The following CTBP2 variants were observed in gnomAD, a reference collection of about 807,000 sequenced individuals.
The protein encoded by CTBP2 is C-terminal binding protein 2.
In CTBP2, 30 loss-of-function variants were observed where a neutral mutation model predicts 80.3. The ratio of observed to expected loss-of-function variants is 0.37; its 90% CI spans 0.28 to 0.51. CTBP2 has a LOEUF of 0.51. CTBP2 is among the 20% of genes least tolerant of loss of function. CTBP2 has a pLI of 0.93. For missense variants in CTBP2, 1,212 were observed against 1,375.3 expected (o/e 0.88, Z 1.88); for synonymous variants, 594 against 587.4 (o/e 1.01, Z -0.16).
rs913401041 is a variant in CTBP2 at position 125,134,106 on chromosome 10, G to C, written c.-205-23013C>G. 3.3e-5 allele frequency among the ~76,000 whole-genome samples: 5 copies of C among 152,220 alleles called. No homozygotes were observed. In the South Asian group the frequency reaches 6.2e-4, roughly 19 times the overall value. ...AAACATTCCGAAGTCCTGTCCTGGAGCGCTAGTTACTCGCTGCATGCTGTT... is the reference window on the plus strand; with the variant it reads ...AAACATTCCGAAGTCCTGTCCTGGACCGCTAGTTACTCGCTGCATGCTGTT... On this transcript the variant is annotated intron_variant, in intron 1 of 10. Coordinates refer to the CTBP2 transcript ENST00000337195.
In CTBP2 at chr10:125,026,282, C is replaced by G. The variant is rs780259838; in HGVS notation, c.1478G>C (p.Arg493Thr). 1.9e-5 allele frequency: 31 copies of G among 1,613,800 alleles called. No homozygotes were observed. In the Admixed American group the frequency reaches 5.0e-4, roughly 26 times the overall value. ...CGGAGAGGCGGCCACGTTGCGCTCC[C>G]TCTTTAGCAGCTCCATGGGCACCGT... Residue 493 changes from arginine (R) to threonine (T), a missense_variant, in exon 1 of 9, where the codon AGG becomes ACG. Around this residue, in one of 3 missense-constraint regions of CTBP2, gnomAD observed 848 missense variants for 782.3 expected, o/e 1.08. Transcript: ENST00000309035.
chr10:125,051,616 G>A (rs1451773844), intron 2 of CTBP2, among the ~76,000 whole-genome samples: 3 of 151,650 alleles, frequency 2.0e-5, no homozygotes, highest in African/African-American at 4.9e-5. Flanking sequence ...CACTAGCCTG[G>A]GCAACAGAGT....
In CTBP2 at chr10:125,059,956, G is replaced by A. The variant is rs1239900927; in HGVS notation, c.-101-20801C>T. Among the ~76,000 whole-genome samples, 3 of 152,260 alleles carry A rather than the reference G, an allele frequency of 2.0e-5. No individual in the cohort carries two copies. In the East Asian group the frequency reaches 5.8e-4, roughly 29 times the overall value. On this transcript the variant is annotated intron_variant, in intron 2 of 10. Coordinates refer to the CTBP2 transcript ENST00000337195. Reference sequence around the variant, plus strand: ...AAGGACAGAAAAGGCTCACCTGCAGGACCTCGCGGGTTAGCCACGAGTCTG... The same window carrying A: ...AAGGACAGAAAAGGCTCACCTGCAGAACCTCGCGGGTTAGCCACGAGTCTG...
intron 1 of CTBP2, among the ~76,000 whole-genome samples, chr10:125,018,503 C>CAAACCAA (rs71029232): frequency 0.42 from 63,368 of 150,836 alleles, 15,191 homozygotes; most frequent in East Asian, 0.64. Flanking sequence ...AAAACAAAAA[C>CAAACCAA]AAACCAAAAA....
At position 125,068,918 on chromosome 10, in the gene CTBP2, G is replaced by A. The variant is rs959717533; in HGVS notation, c.-101-29763C>T. ...TCTCCCCTCAGCCAGCTGGAGCACC[G>A]GGTTCTCCTTTGGATCCTGACACGC... On this transcript the variant is annotated intron_variant, in intron 2 of 10. Transcript: ENST00000337195. Among the ~76,000 whole-genome samples, 24 of 152,276 alleles carry A rather than the reference G, an allele frequency of 1.6e-4. 1 individual carries two copies. The Middle Eastern group carries it at 0.02, about 129-fold the overall frequency.
chr10:125,126,114 G>C (rs868431360), intron 1 of CTBP2, among the ~76,000 whole-genome samples: 1 of 152,188 alleles, frequency 6.6e-6, no homozygotes, highest in Non-Finnish European at 1.5e-5. Flanking sequence ...GCAGTGCAGC[G>C]GTGGCCTGGG....
At chr10:125,096,575 G>A (rs928432246) in intron 2 of CTBP2, among the ~76,000 whole-genome samples, 6 of 152,092 alleles carry the variant, frequency 3.9e-5, no homozygotes, top group African/African-American at 1.4e-4. Flanking sequence ...GTTATAGCAC[G>A]TGGTCATTTA....
chr10:125,091,996 T>G (rs1848827752), intron 2 of CTBP2, among the ~76,000 whole-genome samples: 1 of 152,174 alleles, frequency 6.6e-6, no homozygotes, highest in Admixed American at 6.5e-5. Context: ...TATTTCAAAC[T>G]GTGAAGGCAT....
chr10:125,157,724 T>C (rs1861179719), intron 1 of CTBP2, among the ~76,000 whole-genome samples: 1 of 152,240 alleles, frequency 6.6e-6, no homozygotes, highest in African/African-American at 2.4e-5. Flanking sequence ...GCTCATGTTA[T>C]ACTTGATCAA....
chr10:124,989,131 G>T lies in CTBP2; in HGVS notation c.*387C>A, dbSNP rs924909833. The T allele has an allele frequency of 4.3e-6, 1 of 233,470 alleles. No homozygotes were observed. The highest frequency in any genetic ancestry group is 2.4e-5 in the African/African-American group (1 of 42,154). 14.5% of individuals were successfully genotyped at this position (233,470 alleles called of 1,614,324 possible). A position where few individuals can be genotyped will look rare whatever the true frequency, so the allele number is the denominator to read the frequency against. ...TAAGGGACTCAAGTCACAGGATGGG[G>T]ATTTCCTCTTAATATTTTTTATTTT... On this transcript the variant is annotated 3_prime_UTR_variant, in exon 9 of 9. Coordinates refer to ENST00000309035, the MANE Select transcript of CTBP2 (RefSeq NM_022802.3).
intron 1 of CTBP2, among the ~76,000 whole-genome samples, chr10:125,024,998 G>A (rs1016043082): frequency 1.2e-4 from 19 of 152,252 alleles, no homozygotes; most frequent in South Asian, 1.0e-3. Flanking sequence ...TAGCACACAC[G>A]GGCCACACAG....
At chr10:125,092,164 T>C (rs1848851239) in intron 2 of CTBP2, among the ~76,000 whole-genome samples, 1 of 149,700 alleles carries the variant, frequency 6.7e-6, no homozygotes, top group Admixed American at 6.7e-5. Context: ...ATGGTTTCCT[T>C]GTCTGAAGAT....
At chr10:125,091,119 T>C (rs957131117) in intron 2 of CTBP2, among the ~76,000 whole-genome samples, 1 of 152,124 alleles carries the variant, frequency 6.6e-6, no homozygotes, top group Non-Finnish European at 1.5e-5. Context: ...CCATAGTAAG[T>C]ACAGATTCCA....
upstream of CTBP2, chr10:125,161,076 G>GGT (rs1861852143): frequency 6.7e-6 from 1 of 149,776 alleles, no homozygotes; most frequent in Non-Finnish European, 1.5e-5. Flanking sequence ...TTGGGGGGGG[G>GGT]GGGCAAAGGC....
chr10:125,101,728 C>A (rs1007262268), intron 2 of CTBP2, among the ~76,000 whole-genome samples: 1 of 152,190 alleles, frequency 6.6e-6, no homozygotes, highest in African/African-American at 2.4e-5. Flanking sequence ...CCACAGGTAC[C>A]GGCTTGGAGA....
At chr10:125,161,030 T>TGA (rs2133563879), upstream of CTBP2, 1 of 129,002 alleles carries the variant, frequency 7.8e-6, no homozygotes, top group African/African-American at 2.8e-5. Flanking sequence ...GGAGGCGAGG[T>TGA]GAGGGTCGCC....
intron 3 of CTBP2, 98 bp downstream of exon 3, chr10:125,038,899 G>A: frequency 1.7e-6 from 2 of 1,210,088 alleles, no homozygotes; most frequent in Non-Finnish European, 2.4e-6. Flanking sequence ...GAGGGACTCT[G>A]GCTTGGGGAG....
At chr10:125,041,003 T>TG (rs1305294753) in intron 2 of CTBP2, among the ~76,000 whole-genome samples, 1 of 152,246 alleles carries the variant, frequency 6.6e-6, no homozygotes, top group African/African-American at 2.4e-5. Flanking sequence ...AGTCAGGAGA[T>TG]GGAGGTTGTC....
chr10:125,156,832 T>C (rs1010768154), intron 1 of CTBP2, among the ~76,000 whole-genome samples: 6 of 152,046 alleles, frequency 3.9e-5, no homozygotes, highest in Non-Finnish European at 8.8e-5. Flanking sequence ...ATTTCTGGAG[T>C]TTTAAAAGTT....
Sources: allele counts gnomAD v4.1 joint callset (sites outside exome capture counted in the v4.1 genomes callset), GRCh38; gene constraint gnomAD v4.1.1; regional missense constraint gnomAD v4.1.1; transcripts MANE v1.5; gene names NCBI Gene and HGNC (gene_info 2026-07-23, HGNC 2026-07-21).